Variants in C9 observed in about 807,000 individuals in gnomAD.
C9 encodes the protein complement C9.
Under a neutral mutation model 65.4 loss-of-function variants are expected in C9, and 63 were observed. That is an observed-to-expected ratio of 0.96 (90% CI 0.79 to 1.19). The LOEUF is 1.19. Among genes scored for constraint, C9 ranks in the 50% most tolerant of loss-of-function variants. The pLI, the probability that C9 is intolerant of heterozygous loss-of-function variation, is 0.00. For missense variants in C9, 744 were observed against 670.1 expected (o/e 1.11, Z -1.22); for synonymous variants, 229 against 227.9 (o/e 1.00, Z -0.04).
chr5:39,322,524 C>T (rs1460557422), intron 5 of C9, among the ~76,000 whole-genome samples: 2 of 151,778 alleles, frequency 1.3e-5, no homozygotes, highest in African/African-American at 4.8e-5. Context: ...AGTAGAAAAA[C>T]AACAGAAAAG....
At chr5:39,359,034 ATATGTG>A (rs1754466076) in intron 1 of C9, among the ~76,000 whole-genome samples, 1 of 107,446 alleles carries the variant, frequency 9.3e-6, no homozygotes, top group African/African-American at 3.3e-5. Flanking sequence ...ATATATATAT[ATATGTG>A]TGTGTGTGTA....
chr5:39,328,558 AG>A (rs1167737767), intron 5 of C9, among the ~76,000 whole-genome samples: 1 of 152,232 alleles, frequency 6.6e-6, no homozygotes, highest in Non-Finnish European at 1.5e-5. Flanking sequence ...TCTGGATTGT[AG>A]GAGGAATGGA....
At chr5:39,305,187 A>G (rs1415869600) in intron 9 of C9, among the ~76,000 whole-genome samples, 1 of 152,168 alleles carries the variant, frequency 6.6e-6, no homozygotes, top group African/African-American at 2.4e-5. Flanking sequence ...TCAAAGAGGC[A>G]TCCTCTGATT....
At chr5:39,359,902 A>G (rs150694538) in intron 1 of C9, among the ~76,000 whole-genome samples, 230 of 152,362 alleles carry the variant, frequency 1.5e-3, no homozygotes, top group African/African-American at 4.8e-3. Context: ...GACAAAGTTG[A>G]TAACTGTTTG....
At position 39,285,193 on chromosome 5, in the gene C9, AC is replaced by A. The variant is rs1354844946; in HGVS notation, c.*5del. 2.5e-6 allele frequency: 4 copies of A among 1,612,426 alleles called. No homozygotes were observed. In the East Asian group the frequency reaches 8.9e-5, roughly 36 times the overall value. On this transcript the variant is annotated 3_prime_UTR_variant, in exon 11 of 11. Transcript: ENST00000263408. ...CTTCCACTGGAGCTCAGAGAAGCCAACAGCTCTATTTTTCATTGGGGAACTC... is the reference window on the plus strand; with the variant it reads ...CTTCCACTGGAGCTCAGAGAAGCCAAAGCTCTATTTTTCATTGGGGAACTC...
At chr5:39,322,691 T>C (rs1184487839) in intron 5 of C9, among the ~76,000 whole-genome samples, 1 of 152,150 alleles carries the variant, frequency 6.6e-6, no homozygotes, top group Non-Finnish European at 1.5e-5. Context: ...TTTGCATCCG[T>C]GGATTCAACC....
intron 1 of C9, among the ~76,000 whole-genome samples, chr5:39,363,628 G>A (rs3756457): frequency 0.051 from 7,726 of 152,172 alleles, 590 homozygotes; most frequent in East Asian, 0.2. Flanking sequence ...TATACAGGTC[G>A]ATGTCTACTC....
At chr5:39,332,955 T>C (rs1306497745) in intron 4 of C9, among the ~76,000 whole-genome samples, 1 of 152,206 alleles carries the variant, frequency 6.6e-6, no homozygotes, top group Admixed American at 6.5e-5. Context: ...TCAACTTTAA[T>C]GGAAGGCAAG....
chr5:39,358,396 T>C (rs1366612463), intron 1 of C9, among the ~76,000 whole-genome samples: 1 of 151,986 alleles, frequency 6.6e-6, no homozygotes. Context: ...TAGAGCAGAG[T>C]GAGCCAAAAA....
At chr5:39,323,505 T>C (rs1455257314) in intron 5 of C9, among the ~76,000 whole-genome samples, 1 of 150,066 alleles carries the variant, frequency 6.7e-6, no homozygotes, top group Non-Finnish European at 1.5e-5. Flanking sequence ...GATGCAAAGA[T>C]AGTTTAACAT....
intron 1 of C9, among the ~76,000 whole-genome samples, chr5:39,362,780 G>A (rs1268793529): frequency 1.3e-5 from 2 of 152,130 alleles, no homozygotes; most frequent in African/African-American, 2.4e-5. Context: ...CTCACTTCAT[G>A]ACTGAGGGCT....
rs547451104 is a variant in C9, at chr5:39,342,679, C to T, written c.78-483G>A. On this transcript the variant is annotated intron_variant, in intron 1 of 10. Transcript: ENST00000263408. The stretch of plus-strand genomic sequence containing the variant: ...AGCCCAGGCCCAGCCATTCCTGTAG[C>T]GGGCACCTCATAAATCAGGTTTCCC... 1.4e-4 allele frequency among the ~76,000 whole-genome samples: 22 copies of T among 152,228 alleles called. No individual in the cohort carries two copies. In the East Asian group the frequency reaches 2.9e-3, roughly 20 times the overall value.
chr5:39,291,583 C>T (rs186928359), intron 9 of C9, among the ~76,000 whole-genome samples: 4 of 151,634 alleles, frequency 2.6e-5, no homozygotes, highest in East Asian at 3.9e-4. Context: ...ATAAAAACTA[C>T]GGTGAAAAAT....
chr5:39,352,844 T>TTG (rs1444870986), intron 1 of C9, among the ~76,000 whole-genome samples: 1 of 151,784 alleles, frequency 6.6e-6, no homozygotes, highest in Non-Finnish European at 1.5e-5. Flanking sequence ...GTTTTTTTTT[T>TTG]TTTTTTTTTT....
At chr5:39,360,925 T>G (rs915009126) in intron 1 of C9, among the ~76,000 whole-genome samples, 2 of 152,138 alleles carry the variant, frequency 1.3e-5, no homozygotes, top group African/African-American at 4.8e-5. Context: ...ACTCTGGGAA[T>G]TAATCCTCAG....
At chr5:39,294,470 T>C (rs367651197) in intron 9 of C9, among the ~76,000 whole-genome samples, 3 of 151,244 alleles carry the variant, frequency 2.0e-5, no homozygotes, top group Non-Finnish European at 4.4e-5. Flanking sequence ...TTAGAGAAAA[T>C]GGATAAATTT....
chr5:39,318,898 G>A (rs1021222697), intron 5 of C9, among the ~76,000 whole-genome samples: 2 of 152,176 alleles, frequency 1.3e-5, no homozygotes, highest in African/African-American at 2.4e-5. Context: ...TATTTCTAAT[G>A]ACTTTAATAT....
intron 9 of C9, among the ~76,000 whole-genome samples, chr5:39,301,146 A>G (rs1374544740): frequency 1.3e-5 from 2 of 152,194 alleles, no homozygotes; most frequent in Non-Finnish European, 2.9e-5. Flanking sequence ...CATCAACATC[A>G]TAACCCATAA....
At chr5:39,359,301 C>T (rs835219) in intron 1 of C9, among the ~76,000 whole-genome samples, 127,056 of 150,926 alleles carry the variant, frequency 0.84, 53,947 homozygotes, top group Non-Finnish European at 0.9. Context: ...GGGATGCCTA[C>T]TAGATTTTTC....
Sources: gnomAD v4.1 joint callset for allele counts (sites outside exome capture counted in the v4.1 genomes callset) on GRCh38, gnomAD v4.1.1 for gene constraint, MANE v1.5 for transcripts, NCBI Gene and HGNC (gene_info 2026-07-23, HGNC 2026-07-21) for gene names.